Variants in DRC8 observed in about 807,000 individuals in gnomAD.
DRC8 encodes dynein regulatory complex subunit 8, also known as dynein regulatory complex protein 8.
the DRC8 span, among the ~76,000 whole-genome samples, chr1:245,007,677 A>G: frequency 3.3e-5 from 5 of 152,308 alleles, 1 homozygote; most frequent in South Asian, 8.3e-4. Flanking sequence ...AATTTCCTTC[A>G]TTAGAGAAGC....
the DRC8 span, among the ~76,000 whole-genome samples, chr1:245,039,300 C>CAAAAAAAAAAAAAAAA: frequency 3.6e-5 from 1 of 27,436 alleles, no homozygotes; most frequent in African/African-American, 1.6e-4. Flanking sequence ...CTTGTCTCTA[C>CAAAAAAAAAAAAAAAA]AAAAAAAAAA....
the DRC8 span, among the ~76,000 whole-genome samples, chr1:245,065,073 C>CTTTTT: frequency 0.012 from 997 of 81,546 alleles, 27 homozygotes; most frequent in Non-Finnish European, 0.016. Context: ...TAACATTCTT[C>CTTTTT]TTTTTTTTTT....
the DRC8 span, among the ~76,000 whole-genome samples, chr1:244,983,049 C>T: frequency 6.6e-6 from 1 of 151,844 alleles, no homozygotes; most frequent in Non-Finnish European, 1.5e-5. Flanking sequence ...GGGTGAGACT[C>T]CAATCTCCTA....
At chr1:244,970,715 C>T in the DRC8 span, 16 of 490,640 alleles carry the variant, frequency 3.3e-5, no homozygotes, top group African/African-American at 3.0e-4. Context: ...TCTCTCTCCC[C>T]TCCTCCCGCC....
the DRC8 span, among the ~76,000 whole-genome samples, chr1:245,006,971 A>C: frequency 0.018 from 642 of 36,272 alleles, 4 homozygotes; most frequent in South Asian, 0.095. Context: ...ACAACAACAA[A>C]AAACCCCAGA....
chr1:245,058,949 C>G, the DRC8 span, among the ~76,000 whole-genome samples: 6,184 of 152,222 alleles, frequency 0.041, 427 homozygotes, highest in African/African-American at 0.14. Context: ...TAGTAAGTCA[C>G]AGAGCTGGGA....
At chr1:245,019,305 A>AATC in the DRC8 span, among the ~76,000 whole-genome samples, 21,956 of 152,038 alleles carry the variant, frequency 0.14, 2,335 homozygotes, top group African/African-American at 0.3. Context: ...GTAGCTTTAT[A>AATC]ATTTTTCCTG....
the DRC8 span, among the ~76,000 whole-genome samples, chr1:245,008,721 TGC>T: frequency 8.0e-5 from 12 of 150,730 alleles, no homozygotes; most frequent in Admixed American, 6.0e-4. Context: ...CAGGCTGCAG[TGC>T]AGTGGTGCTA....
the DRC8 span, among the ~76,000 whole-genome samples, chr1:245,043,703 G>A: frequency 6.6e-6 from 1 of 152,162 alleles, no homozygotes; most frequent in Non-Finnish European, 1.5e-5. Context: ...TCGCTGTTGA[G>A]GAGATGAACC....
At chr1:245,002,278 A>T in the DRC8 span, 3 of 1,496,672 alleles carry the variant, frequency 2.0e-6, no homozygotes, top group African/African-American at 1.4e-5. Flanking sequence ...TCAATCGCTT[A>T]ACCATCTCTC....
At chr1:245,027,595 G>A in the DRC8 span, among the ~76,000 whole-genome samples, 1,410 of 152,062 alleles carry the variant, frequency 9.3e-3, 24 homozygotes, top group African/African-American at 0.033. Context: ...TATCTATTTC[G>A]AATATAAAAA....
At chr1:245,087,334 A>G in the DRC8 span, 1 of 1,597,488 alleles carries the variant, frequency 6.3e-7, no homozygotes, top group East Asian at 2.2e-5. Flanking sequence ...GGACTATATA[A>G]CAATGATGGT....
At chr1:245,025,487 C>G in the DRC8 span, among the ~76,000 whole-genome samples, 42 of 152,008 alleles carry the variant, frequency 2.8e-4, no homozygotes, top group Non-Finnish European at 5.0e-4. Flanking sequence ...CTTTTTTTAA[C>G]ACTCCATTCT....
At chr1:245,032,994 A>C in the DRC8 span, among the ~76,000 whole-genome samples, 471 of 152,096 alleles carry the variant, frequency 3.1e-3, 2 homozygotes, top group African/African-American at 0.011. Flanking sequence ...AAAAAAAAAA[A>C]ACAAAAACCC....
At chr1:245,120,798 G>A in the DRC8 span, among the ~76,000 whole-genome samples, 2 of 152,236 alleles carry the variant, frequency 1.3e-5, no homozygotes, top group African/African-American at 2.4e-5. Flanking sequence ...AAGGCACCTC[G>A]GGGGTGATAC....
At chr1:245,088,753 C>A in the DRC8 span, among the ~76,000 whole-genome samples, 72 of 152,242 alleles carry the variant, frequency 4.7e-4, no homozygotes, top group African/African-American at 1.7e-3. The surrounding 1 kb of genome is among the most constrained non-coding windows in gnomAD (Gnocchi z 4.6). Flanking sequence ...GACTTTAAAA[C>A]GAGTAGTTTA....
chr1:245,085,781 T>C, the DRC8 span, among the ~76,000 whole-genome samples: 2 of 152,204 alleles, frequency 1.3e-5, no homozygotes, highest in Non-Finnish European at 2.9e-5. Flanking sequence ...TAGAAGGTTA[T>C]TTCAGCATTT....
At chr1:245,108,860 C>A in the DRC8 span, among the ~76,000 whole-genome samples, 1 of 152,178 alleles carries the variant, frequency 6.6e-6, no homozygotes, top group Non-Finnish European at 1.5e-5. Flanking sequence ...CTAGGCTCAG[C>A]CCCATCCGAT....
At chr1:244,996,123 T>A in the DRC8 span, among the ~76,000 whole-genome samples, 1 of 152,194 alleles carries the variant, frequency 6.6e-6, no homozygotes, top group South Asian at 2.1e-4. Context: ...TCCGAGTCTC[T>A]CATGAGGTTG....
Sources: gnomAD v4.1 joint callset for allele counts (sites outside exome capture counted in the v4.1 genomes callset) on GRCh38, gnomAD v4.1.1 for gene constraint, Gnocchi (gnomAD v3.1) non-coding constraint, MANE v1.5 for transcripts, NCBI Gene and HGNC (gene_info 2026-07-23, HGNC 2026-07-21) for gene names.